The following PCDHA4 variants were observed in gnomAD, a reference collection of about 807,000 sequenced individuals.
PCDHA4 encodes the protein protocadherin alpha 4.
Under a neutral mutation model 61.4 loss-of-function variants are expected in PCDHA4, and 49 were observed. The ratio of observed to expected loss-of-function variants is 0.80; its 90% CI spans 0.63 to 1.01. The LOEUF is 1.01. Among genes scored for constraint, PCDHA4 ranks in the 50% least tolerant of loss-of-function variants. The pLI, the probability that PCDHA4 is intolerant of heterozygous loss-of-function variation, is 0.00. For missense variants in PCDHA4, 1,254 were observed against 1,235.8 expected, an observed-to-expected ratio of 1.01 and a Z score of -0.22; for synonymous variants, 590 against 550.3, an observed-to-expected ratio of 1.07 and a Z score of -1.01.
intron 3 of PCDHA4, among the ~76,000 whole-genome samples, chr5:141,009,142 G>T (rs1374390797): frequency 2.0e-5 from 3 of 152,204 alleles, no homozygotes; most frequent in Non-Finnish European, 4.4e-5. Context: ...GAAAAAACCT[G>T]CCCTCTTGCT....
intron 1 of PCDHA4, among the ~76,000 whole-genome samples, chr5:140,831,887 T>C (rs2150198010): frequency 2.4e-4 from 37 of 152,304 alleles, no homozygotes; most frequent in African/African-American, 6.5e-4. Context: ...CGCTTATAAC[T>C]GTGTTTGCCA....
At position 141,012,179 on chromosome 5, in the gene PCDHA4, T is replaced by C. The variant is rs2098423152; in HGVS notation, c.*2242T>C. ...GGGCTAATTTATTAATGATGATAAT[T>C]ATAATGTATCTGTACAGCACTTTTT... is the stretch of plus-strand genomic sequence containing the variant. On this transcript the variant is annotated 3_prime_UTR_variant, in exon 4 of 4. Coordinates refer to ENST00000530339, the MANE Select transcript of PCDHA4 (RefSeq NM_018907.4). 1 of 153,764 alleles carries C rather than the reference T, an allele frequency of 6.5e-6. No individual in the cohort carries two copies. Among genetic ancestry groups the C allele is most frequent in the South Asian group, 2.1e-4 (1 of 4,828 alleles). 9.5% of individuals were successfully genotyped at this position (153,764 alleles called of 1,614,324 possible). A position where few individuals can be genotyped will look rare whatever the true frequency, so the allele number is the denominator to read the frequency against.
At chr5:140,967,919 G>A (rs1554230110) in intron 1 of PCDHA4, 1 of 1,614,212 alleles carries the variant, frequency 6.2e-7, no homozygotes, top group South Asian at 1.1e-5. Flanking sequence ...CACCATTGTG[G>A]CCGTTCTCAG....
At position 140,808,101 on chromosome 5, in the gene PCDHA4, A is replaced by C; in HGVS notation, c.914A>C (p.Lys305Thr). Reference sequence around the variant, plus strand: ...CCAATTACTGGACAAATTATTGTAAAGGGATATATTGACTTTGAAGAAAGC... The same window carrying C: ...CCAATTACTGGACAAATTATTGTAACGGGATATATTGACTTTGAAGAAAGC... ...IDPITGQIIV[K>T]GYIDFEESKS... Residue 305 changes from lysine (K) to threonine (T), a missense_variant, in exon 1 of 4, where the codon AAG becomes ACG. Physicochemically the swap from Lys to Thr is moderately conservative, Grantham distance 78. Coordinates refer to ENST00000530339, the MANE Select transcript of PCDHA4 (RefSeq NM_018907.4). 1 of 1,613,968 alleles carries C rather than the reference A, an allele frequency of 6.2e-7. No homozygotes were observed. The highest frequency in any genetic ancestry group is 8.5e-7 in the Non-Finnish European group (1 of 1,179,838).
chr5:140,839,341 G>C (rs2150296500), intron 1 of PCDHA4, among the ~76,000 whole-genome samples: 1 of 150,798 alleles, frequency 6.6e-6, no homozygotes, highest in Non-Finnish European at 1.5e-5. Context: ...AGTTGATAGG[G>C]GATCCTCCTT....
intron 1 of PCDHA4, among the ~76,000 whole-genome samples, chr5:140,916,434 C>T (rs1554197442): frequency 1.3e-5 from 2 of 152,184 alleles, no homozygotes; most frequent in Non-Finnish European, 2.9e-5. Context: ...AACCTAAGGC[C>T]CACAGTATAC....
chr5:140,822,344 T>A, intron 1 of PCDHA4: 1 of 1,614,076 alleles, frequency 6.2e-7, no homozygotes, highest in African/African-American at 1.3e-5. Context: ...GAAACGAACT[T>A]TTTAGAGCTG....
intron 1 of PCDHA4, among the ~76,000 whole-genome samples, chr5:140,948,767 T>G (rs1266601836): frequency 6.6e-6 from 1 of 151,640 alleles, no homozygotes; most frequent in Non-Finnish European, 1.5e-5. Context: ...TTTTTTCGAA[T>G]AGCCAGCTTT....
At chr5:140,832,639 G>T (rs1038103707) in intron 1 of PCDHA4, among the ~76,000 whole-genome samples, 1 of 152,018 alleles carries the variant, frequency 6.6e-6, no homozygotes, top group African/African-American at 2.4e-5. Flanking sequence ...TTCCTAGGAG[G>T]GTCTTTAAGA....
intron 3 of PCDHA4, among the ~76,000 whole-genome samples, chr5:141,000,640 C>G (rs2097954123): frequency 6.6e-6 from 1 of 151,256 alleles, no homozygotes; most frequent in South Asian, 2.1e-4. Flanking sequence ...GTTGGGCAGG[C>G]TGGTCTCGAA....
In PCDHA4 at chr5:140,883,265, C is replaced by G. The variant is rs782741439; in HGVS notation, c.2385+73693C>G. 4.5e-5 allele frequency: 73 copies of G among 1,613,790 alleles called. No homozygotes were observed. The highest frequency in any genetic ancestry group is 6.0e-5 in the Non-Finnish European group (71 of 1,179,996). ...CAAAGGAAATATTCCAATGGCGGGTCATTGTACCCTTTTGGTGGAAGTACT... is the reference window on the plus strand; with the variant it reads ...CAAAGGAAATATTCCAATGGCGGGTGATTGTACCCTTTTGGTGGAAGTACT... On this transcript the variant is annotated intron_variant, in intron 1 of 3. Transcript: ENST00000530339.
intron 1 of PCDHA4, chr5:140,857,244 CCTA>C (rs782212916): frequency 6.3e-7 from 1 of 1,598,476 alleles, no homozygotes; most frequent in East Asian, 2.2e-5. Flanking sequence ...CTGGTGTCCA[CCTA>C]CAAGAATTAC....
chr5:140,888,322 C>T (rs983342995), intron 1 of PCDHA4, among the ~76,000 whole-genome samples: 23 of 152,148 alleles, frequency 1.5e-4, no homozygotes, highest in African/African-American at 5.6e-4. Context: ...TGCCTGGATA[C>T]ATTTTTGGTT....
chr5:140,853,603 G>A (rs1358386755), intron 1 of PCDHA4: 2 of 987,254 alleles, frequency 2.0e-6, no homozygotes, highest in South Asian at 4.7e-5. Flanking sequence ...GAGAGCAAAG[G>A]GGGTGCTGTA....
In PCDHA4 at chr5:140,842,523, T is replaced by A. The variant is rs201459051; in HGVS notation, c.2385+32951T>A. The A allele has an allele frequency of 5.0e-5, 81 of 1,613,306 alleles. 4 individuals are homozygous for A. Among genetic ancestry groups the A allele is most frequent in the Non-Finnish European group, 3.3e-5 (39 of 1,179,452 alleles). ...GTCCCCTTCAAGCTGGTGTCCACCT[T>A]CAAGAATTACTACTCGTTGGTGCTG... On this transcript the variant is annotated intron_variant, in intron 1 of 3. Coordinates refer to ENST00000530339, the MANE Select transcript of PCDHA4 (RefSeq NM_018907.4).
intron 1 of PCDHA4, among the ~76,000 whole-genome samples, chr5:140,899,097 T>A (rs1160754058): frequency 2.0e-5 from 3 of 151,826 alleles, no homozygotes; most frequent in Non-Finnish European, 4.4e-5. Flanking sequence ...TGGGCTGAGA[T>A]AATGGGGTTT....
intron 1 of PCDHA4, chr5:140,843,149 G>A: frequency 6.3e-7 from 1 of 1,596,096 alleles, no homozygotes; most frequent in Non-Finnish European, 8.6e-7. Context: ...GCTTTCGTAT[G>A]AGCTGCAGCC....
chr5:140,907,037 A>G (rs2073120356), intron 1 of PCDHA4, among the ~76,000 whole-genome samples: 1 of 152,202 alleles, frequency 6.6e-6, no homozygotes, highest in Non-Finnish European at 1.5e-5. Flanking sequence ...ATAATGTCAC[A>G]GGGACAGTAA....
chr5:140,887,781 T>C (rs2061576427), intron 1 of PCDHA4, among the ~76,000 whole-genome samples: 2 of 152,338 alleles, frequency 1.3e-5, no homozygotes, highest in African/African-American at 4.8e-5. Flanking sequence ...ACACAGGTCA[T>C]TGAAGCGTTC....
Sources: allele counts gnomAD v4.1 joint callset (sites outside exome capture counted in the v4.1 genomes callset), GRCh38; gene constraint gnomAD v4.1.1; transcripts MANE v1.5; gene names NCBI Gene and HGNC (gene_info 2026-07-23, HGNC 2026-07-21).